The following MTAP variants were observed in gnomAD, a reference collection of about 807,000 sequenced individuals.
The protein encoded by MTAP is methylthioadenosine phosphorylase.
Under a neutral mutation model 33.6 loss-of-function variants are expected in MTAP, and 33 were observed. The observed-to-expected ratio is 0.98, with a 90% confidence interval of 0.74 to 1.31. MTAP has a LOEUF of 1.31. MTAP is among the 40% of genes most tolerant of loss of function. The pLI, the probability that MTAP is intolerant of heterozygous loss-of-function variation, is 0.00. For missense variants in MTAP, 367 were observed against 360.0 expected (o/e 1.02, Z -0.16); for synonymous variants, 148 against 125.7 (o/e 1.18, Z -1.19).
chr9:21,884,276 A>G (rs1197813208), intron 1 of MTAP, among the ~76,000 whole-genome samples: 2 of 152,196 alleles, frequency 1.3e-5, no homozygotes, highest in Non-Finnish European at 2.9e-5. Context: ...AAAAACGGTC[A>G]TAGACGTTTT....
intron 1 of MTAP, among the ~76,000 whole-genome samples, chr9:21,882,595 G>T (rs73440438): frequency 0.03 from 4,508 of 151,934 alleles, 184 homozygotes; most frequent in African/African-American, 0.082. Flanking sequence ...AGAGCTTAAG[G>T]TTTGATATGG....
intron 1 of MTAP, among the ~76,000 whole-genome samples, chr9:21,896,659 T>TA: frequency 6.6e-6 from 1 of 152,222 alleles, no homozygotes; most frequent in African/African-American, 2.4e-5. Flanking sequence ...CCTGGATACA[T>TA]ACACCCTCCC....
Position 21,864,522 on chromosome 9 carries a change from T to A in MTAP, c.*2508T>A. On this transcript the variant is annotated 3_prime_UTR_variant, in exon 8 of 8. Transcript: ENST00000644715. Reference sequence around the variant, plus strand: ...TACATAGAAGTCTTTGTTGGCCTTATAATCTGCTGTTATATTTGGCATGGA... The same window carrying A: ...TACATAGAAGTCTTTGTTGGCCTTAAAATCTGCTGTTATATTTGGCATGGA... The A allele has an allele frequency of 1.0e-6, 1 of 985,446 alleles. No individual in the cohort carries two copies. Among genetic ancestry groups the A allele is most frequent in the Non-Finnish European group, 1.2e-6 (1 of 829,940 alleles). 61.0% of individuals were successfully genotyped at this position (985,446 alleles called of 1,614,324 possible).
Position 21,887,281 on chromosome 9 carries a change from G to T in MTAP, c.147+32411G>T, listed in dbSNP as rs556776164. On this transcript the variant is annotated intron_variant, in intron 1 of 1. Transcript: ENST00000577563. ...CCCCTCTCCCCCCACCCCATAATAG[G>T]CCCCGATGTGTGATGTTCCCCTTCC... Among the ~76,000 whole-genome samples the T allele has an allele frequency of 5.9e-5, 9 of 151,698 alleles. No homozygotes were observed. The South Asian group carries it at 1.5e-3, about 25-fold the overall frequency.
intron 1 of MTAP, among the ~76,000 whole-genome samples, chr9:21,916,546 G>A (rs1299723500): frequency 6.6e-6 from 1 of 152,004 alleles, no homozygotes; most frequent in African/African-American, 2.4e-5. Context: ...GGAGATGGAG[G>A]TTGCAGTGAG....
chr9:21,852,170 C>T (rs1825528860), intron 5 of MTAP, among the ~76,000 whole-genome samples: 1 of 152,098 alleles, frequency 6.6e-6, no homozygotes, highest in African/African-American at 2.4e-5. Context: ...GTTATGTCCT[C>T]ATTTGTAAGT....
intron 4 of MTAP, among the ~76,000 whole-genome samples, chr9:21,821,555 A>T (rs562492665): frequency 6.6e-6 from 1 of 152,258 alleles, no homozygotes; most frequent in Non-Finnish European, 1.5e-5. Flanking sequence ...TTTTGCATCG[A>T]TGTTCATCAG....
chr9:21,893,146 G>C (rs1213701519), intron 1 of MTAP: 1 of 152,182 alleles, frequency 6.6e-6, no homozygotes, highest in African/African-American at 2.4e-5. Context: ...AAAATGTACA[G>C]TGCTAAATGC....
Position 21,818,805 on chromosome 9 carries a change from T to G in MTAP, c.347+603T>G, listed in dbSNP as rs527352941. Among the ~76,000 whole-genome samples the G allele has an allele frequency of 2.7e-4, 41 of 152,372 alleles. No homozygotes were observed. In the South Asian group the frequency reaches 7.5e-3, roughly 28 times the overall value. ...TGGTGAGAACATTTGATTTTTACTT[T>G]AACAATTTTGAAATACATAATACGT... On this transcript the variant is annotated intron_variant, in intron 4 of 7. Transcript: ENST00000644715.
At chr9:21,841,249 G>A (rs1479625383) in intron 5 of MTAP, among the ~76,000 whole-genome samples, 5 of 152,230 alleles carry the variant, frequency 3.3e-5, no homozygotes, top group Non-Finnish European at 7.3e-5. Flanking sequence ...CTTAGGGCAA[G>A]CTTAGAGCCC....
chr9:21,843,258 T>C (rs1032999596), intron 5 of MTAP, among the ~76,000 whole-genome samples: 1 of 152,096 alleles, frequency 6.6e-6, no homozygotes, highest in Non-Finnish European at 1.5e-5. Flanking sequence ...CTCCCAAATA[T>C]ATCAAACAAT....
chr9:21,916,110 AGGAAGGAAGGAG>A (rs1818685655), intron 1 of MTAP, among the ~76,000 whole-genome samples: 2 of 149,882 alleles, frequency 1.3e-5, no homozygotes, highest in African/African-American at 4.9e-5. Context: ...GAAGGAAGGA[AGGAAGGAAGGAG>A]GGAGGGAAGG....
intron 1 of MTAP, among the ~76,000 whole-genome samples, chr9:21,807,826 A>G (rs1373639474): frequency 6.6e-6 from 1 of 152,214 alleles, no homozygotes; most frequent in Non-Finnish European, 1.5e-5. Flanking sequence ...ACAGAGACTG[A>G]TGGTAATACA....
chr9:21,900,890 A>G (rs1340572589), intron 1 of MTAP, among the ~76,000 whole-genome samples: 1 of 152,230 alleles, frequency 6.6e-6, no homozygotes. Context: ...GCTGGAGACT[A>G]TTATCCTAAG....
chr9:21,887,264 C>T (rs965628492), intron 1 of MTAP, among the ~76,000 whole-genome samples: 18 of 151,972 alleles, frequency 1.2e-4, no homozygotes, highest in Non-Finnish European at 2.6e-4. Flanking sequence ...TTCCCCTCTC[C>T]CCCCACCCCA....
chr9:21,937,577 T>A (rs966620580), exon 8 of MTAP: 2 of 152,210 alleles, frequency 1.3e-5, no homozygotes, highest in Non-Finnish European at 2.9e-5. Context: ...TTAAGAAAAT[T>A]GAATCTTCCC....
At chr9:21,919,094 C>T (rs529858119) in intron 1 of MTAP, among the ~76,000 whole-genome samples, 9 of 152,254 alleles carry the variant, frequency 5.9e-5, no homozygotes, top group African/African-American at 2.2e-4. Context: ...ATTATTGTGA[C>T]TAGGATGAAC....
intron 1 of MTAP, among the ~76,000 whole-genome samples, chr9:21,886,800 C>T (rs1311729319): frequency 6.6e-6 from 1 of 152,050 alleles, no homozygotes; most frequent in Non-Finnish European, 1.5e-5. Flanking sequence ...CGTATGTGTG[C>T]CTGTTTTTAT....
chr9:21,885,726 G>A (rs1004861196), intron 1 of MTAP, among the ~76,000 whole-genome samples: 1 of 151,392 alleles, frequency 6.6e-6, no homozygotes, highest in Non-Finnish European at 1.5e-5. Context: ...ATCCATCCAG[G>A]TTGCTGCAAA....
Sources: gnomAD v4.1 joint callset for allele counts (sites outside exome capture counted in the v4.1 genomes callset) on GRCh38, gnomAD v4.1.1 for gene constraint, MANE v1.5 for transcripts, NCBI Gene and HGNC (gene_info 2026-07-23, HGNC 2026-07-21) for gene names.